CMTR1: variants seen among roughly 807,000 people sequenced by gnomAD.
The protein encoded by CMTR1 is cap-specific mRNA (nucleoside-2'-O-)-methyltransferase 1.
Under a neutral mutation model 107.0 loss-of-function variants are expected in CMTR1, and 39 were observed. The observed-to-expected ratio is 0.36, with a 90% CI of 0.28 to 0.48. The LOEUF is 0.48. CMTR1 is among the 20% of genes least tolerant of loss of function. CMTR1 has a pLI of 0.99. For missense variants in CMTR1, 672 were observed against 1,064.9 expected (o/e 0.63, Z 5.14); for synonymous variants, 366 against 379.5 (o/e 0.96, Z 0.41).
intron 1 of CMTR1, among the ~76,000 whole-genome samples, chr6:37,434,090 A>C (rs895911280): frequency 1.3e-5 from 2 of 151,772 alleles, no homozygotes; most frequent in African/African-American, 4.8e-5. Flanking sequence ...CCTTTATCTC[A>C]CCCTGGGGGC....
intron 13 of CMTR1, among the ~76,000 whole-genome samples, chr6:37,469,665 T>G (rs748229017): frequency 2.6e-5 from 4 of 151,144 alleles, no homozygotes; most frequent in Non-Finnish European, 5.9e-5. Flanking sequence ...GTAGTTGGGA[T>G]TACAGGTGCC....
intron 2 of CMTR1, among the ~76,000 whole-genome samples, chr6:37,437,153 T>G (rs1331460774): frequency 1.3e-5 from 2 of 152,068 alleles, no homozygotes; most frequent in African/African-American, 2.4e-5. Context: ...CCAGGATTGC[T>G]TTGAATGGGA....
intron 19 of CMTR1, 39 bp downstream of exon 19, chr6:37,475,451 G>GC (rs771757596): frequency 5.7e-6 from 9 of 1,568,446 alleles, no homozygotes; most frequent in Non-Finnish European, 7.9e-6. Flanking sequence ...GTGGGGGTAG[G>GC]CCAGGGCAGC....
the CMTR1 span, among the ~76,000 whole-genome samples, chr6:37,427,556 G>A: frequency 1.3e-5 from 2 of 152,084 alleles, no homozygotes; most frequent in African/African-American, 4.8e-5. The surrounding 1 kb of genome is among the most constrained non-coding windows in gnomAD (Gnocchi z 4.4). Flanking sequence ...ACACACACTG[G>A]CAACTTTATC....
At chr6:37,461,328 GA>G (rs1169334986) in intron 10 of CMTR1, among the ~76,000 whole-genome samples, 1 of 152,328 alleles carries the variant, frequency 6.6e-6, no homozygotes, top group African/African-American at 2.4e-5. Flanking sequence ...GACAGAGCAG[GA>G]AAGTGGAGCT....
chr6:37,461,286 G>A (rs1761398808), intron 10 of CMTR1, among the ~76,000 whole-genome samples: 1 of 152,158 alleles, frequency 6.6e-6, no homozygotes, highest in African/African-American at 2.4e-5. Context: ...CATCTCCTTG[G>A]AAAAGCAGGC....
intron 2 of CMTR1, among the ~76,000 whole-genome samples, chr6:37,439,759 G>A (rs867919320): frequency 5.3e-4 from 80 of 152,240 alleles, no homozygotes; most frequent in African/African-American, 1.8e-3. Context: ...GGCCATTAGC[G>A]GTTGGAGCTG....
chr6:37,457,080 C>T (rs1287607534), intron 8 of CMTR1, among the ~76,000 whole-genome samples: 1 of 151,260 alleles, frequency 6.6e-6, no homozygotes, highest in Non-Finnish European at 1.5e-5. Context: ...ATTTGTTGAG[C>T]GTGGTGGTGT....
chr6:37,429,816 T>A (rs1489275981), upstream of CMTR1, among the ~76,000 whole-genome samples: 2 of 152,174 alleles, frequency 1.3e-5, no homozygotes, highest in Non-Finnish European at 1.5e-5. Flanking sequence ...CATGTGCCTA[T>A]AGTCCCAGCT....
At chr6:37,478,066 G>A (rs1490093725) in intron 21 of CMTR1, among the ~76,000 whole-genome samples, 1 of 152,166 alleles carries the variant, frequency 6.6e-6, no homozygotes, top group Non-Finnish European at 1.5e-5. Context: ...GTCTCCTTCT[G>A]GGTGTGCTTA....
chr6:37,474,976 G>A (rs1326370141), intron 18 of CMTR1, among the ~76,000 whole-genome samples: 1 of 152,168 alleles, frequency 6.6e-6, no homozygotes, highest in Non-Finnish European at 1.5e-5. Flanking sequence ...TGTTTCTCAG[G>A]AGCCATGAGT....
intron 3 of CMTR1, among the ~76,000 whole-genome samples, chr6:37,444,424 T>A (rs2113867340): frequency 6.6e-6 from 1 of 152,306 alleles, no homozygotes; most frequent in East Asian, 1.9e-4. Flanking sequence ...ATTACTAACA[T>A]GTGTGACTAT....
Position 37,472,003 on chromosome 6 carries a change from C to G in CMTR1, c.1620+99C>G. On this transcript the variant is annotated intron_variant, in intron 15 of 23. Transcript: ENST00000373451. The surrounding 1 kb of genome is among the most constrained non-coding windows in gnomAD (Gnocchi z 4.1). ...CTGTCACCTTAGGGTGTCTCTGCAT[C>G]CAAAAATATCTGCTACCCTCACAGC... 1 of 1,031,088 alleles carries G rather than the reference C, an allele frequency of 9.7e-7. No individual in the cohort carries two copies. The highest frequency in any genetic ancestry group is 1.5e-5 in the South Asian group (1 of 67,198). The allele number at this position is 1,031,088 out of a possible 1,614,324, so 63.9% of individuals were successfully genotyped here.
chr6:37,449,316 A>ATGTTAT (rs777934154), intron 4 of CMTR1, among the ~76,000 whole-genome samples: 4 of 151,026 alleles, frequency 2.6e-5, no homozygotes, highest in Non-Finnish European at 5.9e-5. Flanking sequence ...ATGTTATGTT[A>ATGTTAT]TTTTGTTTTC....
chr6:37,461,976 A>C lies in CMTR1; in HGVS notation c.1199A>C (p.His400Pro), dbSNP rs1761410367. Residue 400 changes from histidine to proline, a missense_variant, in exon 12 of 24, where the codon CAC (histidine) becomes CCC (proline). Around this residue, in one of 2 missense-constraint regions of CMTR1, gnomAD observed 583 missense variants for 968.4 expected, o/e 0.60. Transcript: ENST00000373451. ...TGTTTTCTCTCTAATCTAGGAGGCC[A>C]CTTCATCTGTAAAACCTTTGACCTG... ...MALSIVRTGG[H>P]FICKTFDLFT... The C allele has an allele frequency of 6.2e-7, 1 of 1,613,336 alleles. No individual in the cohort carries two copies. Among genetic ancestry groups the C allele is most frequent in the African/African-American group, 1.3e-5 (1 of 74,670 alleles).
At chr6:37,429,863 G>T (rs991284497), upstream of CMTR1, among the ~76,000 whole-genome samples, 1 of 151,986 alleles carries the variant, frequency 6.6e-6, no homozygotes, top group East Asian at 1.9e-4. Context: ...GCTTGAACCC[G>T]GGAGGTGGAG....
chr6:37,477,583 T>C lies in CMTR1; in HGVS notation c.2106-9T>C. On this transcript the variant is annotated splice_polypyrimidine_tract_variant and intron_variant, in intron 20 of 23. Transcript: ENST00000373451. ...AGCCTTTGTCTTGTCTCTGTCCCTCTACCTGCAGGGTGAAGGAGGTGTACA... is the reference window on the plus strand; with the variant it reads ...AGCCTTTGTCTTGTCTCTGTCCCTCCACCTGCAGGGTGAAGGAGGTGTACA... The C allele has an allele frequency of 6.2e-7, 1 of 1,613,276 alleles. No individual in the cohort carries two copies. The highest frequency in any genetic ancestry group is 8.5e-7 in the Non-Finnish European group (1 of 1,179,238).
At chr6:37,450,937 A>G (rs1049994345) in intron 5 of CMTR1, among the ~76,000 whole-genome samples, 3 of 152,190 alleles carry the variant, frequency 2.0e-5, no homozygotes, top group Non-Finnish European at 4.4e-5. Flanking sequence ...TCCAGAGGCT[A>G]TGATGTGATA....
intron 20 of CMTR1, among the ~76,000 whole-genome samples, chr6:37,476,542 T>A (rs1204776278): frequency 6.6e-5 from 10 of 151,892 alleles, no homozygotes; most frequent in Non-Finnish European, 1.5e-5. Flanking sequence ...AAGAAATGGG[T>A]GCTGAGGGAA....
Sources: allele counts gnomAD v4.1 joint callset (sites outside exome capture counted in the v4.1 genomes callset), GRCh38; gene constraint gnomAD v4.1.1; regional missense constraint gnomAD v4.1.1; non-coding constraint Gnocchi (gnomAD v3.1); transcripts MANE v1.5; gene names NCBI Gene and HGNC (gene_info 2026-07-23, HGNC 2026-07-21).